The following ITPR2 variants were observed in gnomAD, a reference collection of about 807,000 sequenced individuals.
ITPR2 encodes the protein inositol 1,4,5-trisphosphate-gated calcium channel ITPR2.
Under a neutral mutation model 317.1 loss-of-function variants are expected in ITPR2, and 207 were observed. The observed-to-expected ratio is 0.65, with a 90% CI of 0.58 to 0.73. The LOEUF (loss-of-function observed/expected upper bound fraction) is 0.73. Among genes scored for constraint, ITPR2 ranks in the 30% least tolerant of loss-of-function variants. The pLI is 0.00. For synonymous variants in ITPR2, 1,156 were observed against 1,149.1 expected (o/e 1.01, Z -0.12); for missense variants, 2,613 against 3,284.0 (o/e 0.80, Z 4.99).
At chr12:26,637,254 A>G (rs916289704) in intron 21 of ITPR2, among the ~76,000 whole-genome samples, 3 of 152,186 alleles carry the variant, frequency 2.0e-5, no homozygotes, top group Non-Finnish European at 2.9e-5. Flanking sequence ...ATAAGAAAGG[A>G]AGAAGAATTT....
intron 21 of ITPR2, among the ~76,000 whole-genome samples, chr12:26,640,834 T>G (rs995180080): frequency 6.6e-6 from 1 of 152,198 alleles, no homozygotes; most frequent in Non-Finnish European, 1.5e-5. Context: ...CAGTGAGATA[T>G]GAAAGTATAT....
At chr12:26,669,605 TC>T (rs897473879) in intron 13 of ITPR2, among the ~76,000 whole-genome samples, 3 of 152,158 alleles carry the variant, frequency 2.0e-5, no homozygotes, top group Non-Finnish European at 4.4e-5. Context: ...GGTCTACAGC[TC>T]CCAGCGTGAG....
At chr12:26,646,362 A>C (rs2136876156) in intron 21 of ITPR2, among the ~76,000 whole-genome samples, 1 of 151,788 alleles carries the variant, frequency 6.6e-6, no homozygotes, top group South Asian at 2.1e-4. Flanking sequence ...CTCTCATCTC[A>C]ATTTCCCTTC....
At chr12:26,474,505 A>G (rs890669702) in intron 45 of ITPR2, among the ~76,000 whole-genome samples, 1 of 152,194 alleles carries the variant, frequency 6.6e-6, no homozygotes, top group Non-Finnish European at 1.5e-5. Context: ...CTTCAAAAGA[A>G]TTTAAAGGCC....
intron 8 of ITPR2, among the ~76,000 whole-genome samples, chr12:26,714,133 T>G (rs1189904824): frequency 6.6e-6 from 1 of 152,244 alleles, no homozygotes; most frequent in Non-Finnish European, 1.5e-5. Context: ...TAGTTCTTTT[T>G]TAGTGTCATA....
At chr12:26,780,646 C>T (rs1565758535) in intron 2 of ITPR2, among the ~76,000 whole-genome samples, 2 of 152,128 alleles carry the variant, frequency 1.3e-5, no homozygotes, top group South Asian at 4.1e-4. Flanking sequence ...GCAAAGTTAT[C>T]CAGAAAGCTG....
intron 2 of ITPR2, among the ~76,000 whole-genome samples, chr12:26,763,545 G>A (rs74072353): frequency 0.061 from 9,307 of 152,172 alleles, 668 homozygotes; most frequent in African/African-American, 0.18. Context: ...TATCTTTGTG[G>A]TGAAACGGGG....
intron 40 of ITPR2, 36 bp from the exon 41 acceptor site, chr12:26,486,396 A>G: frequency 6.6e-7 from 1 of 1,504,404 alleles, no homozygotes; most frequent in Non-Finnish European, 9.0e-7. Flanking sequence ...TTTCTGAACC[A>G]ATTTGCTTTT....
chr12:26,471,327 T>C (rs1212774499), intron 45 of ITPR2, among the ~76,000 whole-genome samples: 2 of 152,192 alleles, frequency 1.3e-5, no homozygotes, highest in African/African-American at 2.4e-5. Flanking sequence ...AACAGTGCTC[T>C]GGACTGTGTA....
intron 55 of ITPR2, among the ~76,000 whole-genome samples, chr12:26,360,729 A>G (rs1938799106): frequency 1.3e-5 from 2 of 152,206 alleles, no homozygotes; most frequent in South Asian, 4.1e-4. Context: ...TAGCTCTTCA[A>G]TAGATGTTCT....
At chr12:26,432,030 ATT>A (rs35715752) in intron 48 of ITPR2, among the ~76,000 whole-genome samples, 2 of 151,856 alleles carry the variant, frequency 1.3e-5, no homozygotes, top group Non-Finnish European at 2.9e-5. Context: ...TACATTTATT[ATT>A]TTTTTTTCTT....
At chr12:26,823,436 A>G (rs950352424) in intron 1 of ITPR2, among the ~76,000 whole-genome samples, 1 of 152,198 alleles carries the variant, frequency 6.6e-6, no homozygotes, top group African/African-American at 2.4e-5. Flanking sequence ...GCAAAGGAAG[A>G]TTAAGTTTTT....
intron 55 of ITPR2, among the ~76,000 whole-genome samples, chr12:26,369,826 G>A (rs371816756): frequency 2.0e-5 from 3 of 152,158 alleles, no homozygotes; most frequent in African/African-American, 4.8e-5. Context: ...GAGTCAGCCC[G>A]GCTCTGGAGA....
chr12:26,377,711 T>G (rs951501998), intron 55 of ITPR2, among the ~76,000 whole-genome samples: 3 of 152,236 alleles, frequency 2.0e-5, no homozygotes, highest in African/African-American at 7.2e-5. Flanking sequence ...TGGATTTGCA[T>G]CCTAGTTCAA....
At chr12:26,737,733 T>C (rs1442948353) in intron 2 of ITPR2, among the ~76,000 whole-genome samples, 1 of 152,206 alleles carries the variant, frequency 6.6e-6, no homozygotes, top group Non-Finnish European at 1.5e-5. Flanking sequence ...CCGGACCCCA[T>C]AAGTCTTCTA....
intron 36 of ITPR2, among the ~76,000 whole-genome samples, chr12:26,555,742 C>A (rs999285868): frequency 6.6e-6 from 1 of 152,190 alleles, no homozygotes; most frequent in African/African-American, 2.4e-5. Context: ...GCACCTGAAG[C>A]ACACGTGGTC....
chr12:26,405,935 A>T (rs966425616), intron 52 of ITPR2, among the ~76,000 whole-genome samples: 1 of 152,142 alleles, frequency 6.6e-6, no homozygotes, highest in African/African-American at 2.4e-5. Flanking sequence ...TCCAGCCTGG[A>T]TGACAGAGCA....
chr12:26,776,330 T>C lies in ITPR2; in HGVS notation c.163+13827A>G, dbSNP rs954529355. ...CTCCTAAGTTCACTGGACAAAGTGATGAAAGAAAATGAGGAACTCAGGGAT... is the reference window on the plus strand; with the variant it reads ...CTCCTAAGTTCACTGGACAAAGTGACGAAAGAAAATGAGGAACTCAGGGAT... On this transcript the variant is annotated intron_variant, in intron 2 of 56. Coordinates refer to ENST00000381340, the MANE Select transcript of ITPR2 (RefSeq NM_002223.4). 6.6e-5 allele frequency among the ~76,000 whole-genome samples: 10 copies of C among 152,062 alleles called. No homozygotes were observed. In the East Asian group the frequency reaches 1.7e-3, roughly 26 times the overall value.
chr12:26,759,753 T>C (rs1949595602), intron 2 of ITPR2, among the ~76,000 whole-genome samples: 1 of 152,234 alleles, frequency 6.6e-6, no homozygotes, highest in Non-Finnish European at 1.5e-5. Context: ...CATCATCTTT[T>C]CTAAAGCTTC....
Sources: gnomAD v4.1 joint callset for allele counts (sites outside exome capture counted in the v4.1 genomes callset) on GRCh38, gnomAD v4.1.1 for gene constraint, MANE v1.5 for transcripts, NCBI Gene and HGNC (gene_info 2026-07-23, HGNC 2026-07-21) for gene names.